The following LDLRAD4 variants were observed in gnomAD, a reference collection of about 807,000 sequenced individuals.
LDLRAD4 encodes the protein low-density lipoprotein receptor class A domain-containing protein 4.
LDLRAD4 carries 5 observed loss-of-function variants against 17.0 expected under a neutral mutation model. The observed-to-expected ratio is 0.29, with a 90% CI of 0.15 to 0.62. The LOEUF (loss-of-function observed/expected upper bound fraction) is 0.62. LDLRAD4 is among the 20% of genes least tolerant of loss of function. The probability of loss-of-function intolerance (pLI) is 0.84; values close to 1 mark genes in which losing one functional copy is unlikely to be tolerated. For synonymous variants in LDLRAD4, 168 were observed against 171.8 expected (o/e 0.98, Z 0.17); for missense variants, 340 against 424.7 (o/e 0.80, Z 1.75).
Position 13,517,267 on chromosome 18 carries a change from C to G in LDLRAD4, c.181+78883C>G, listed in dbSNP as rs759371426. 1.7e-3 allele frequency among the ~76,000 whole-genome samples: 264 copies of G among 152,354 alleles called. 3 individuals carry two copies. Among genetic ancestry groups the G allele is most frequent in the Non-Finnish European group, 3.3e-3 (225 of 68,046 alleles). On this transcript the variant is annotated intron_variant, in intron 3 of 5. Coordinates refer to ENST00000359446, the Ensembl canonical transcript of LDLRAD4. ...CCAGTGGATGCTTATGTCCCCACTA[C>G]CCAGTTCCAGCAGAAGAATGTTCCT...
At chr18:13,324,512 C>T (rs7234501) in intron 1 of LDLRAD4, among the ~76,000 whole-genome samples, 60,328 of 151,878 alleles carry the variant, frequency 0.4, 13,338 homozygotes, top group African/African-American at 0.6. Context: ...ACCTTCTATG[C>T]GCAGAGAACA....
chr18:13,596,199 C>A (rs1230064147), intron 3 of LDLRAD4, among the ~76,000 whole-genome samples: 1 of 152,086 alleles, frequency 6.6e-6, no homozygotes, highest in Non-Finnish European at 1.5e-5. Context: ...CACCAGTTTT[C>A]TTATGACTGT....
chr18:13,455,735 A>C (rs1310050330), intron 3 of LDLRAD4, among the ~76,000 whole-genome samples: 1 of 152,056 alleles, frequency 6.6e-6, no homozygotes, highest in African/African-American at 2.4e-5. Context: ...GGGGCTTGGC[A>C]ACCTCCCCTT....
intron 3 of LDLRAD4, among the ~76,000 whole-genome samples, chr18:13,442,533 T>C (rs1049628582): frequency 3.3e-5 from 5 of 152,084 alleles, no homozygotes; most frequent in African/African-American, 1.2e-4. Flanking sequence ...AGAAAGTGGG[T>C]TGGGCCTAGA....
At chr18:13,476,027 T>C (rs2092930559) in intron 3 of LDLRAD4, among the ~76,000 whole-genome samples, 1 of 152,022 alleles carries the variant, frequency 6.6e-6, no homozygotes. Context: ...AATGGGGTGT[T>C]TGTCAGGGGA....
intron 3 of LDLRAD4, among the ~76,000 whole-genome samples, chr18:13,519,452 G>A (rs1381436544): frequency 6.6e-6 from 1 of 152,130 alleles, no homozygotes; most frequent in Non-Finnish European, 1.5e-5. Flanking sequence ...AAAAAGACTT[G>A]ACAACTTCCA....
At chr18:13,629,898 C>A (rs911455342) in intron 4 of LDLRAD4, among the ~76,000 whole-genome samples, 1 of 152,110 alleles carries the variant, frequency 6.6e-6, no homozygotes, top group Non-Finnish European at 1.5e-5. Flanking sequence ...AGCTCTGTGA[C>A]CTTGGGTGAA....
chr18:13,304,462 G>A (rs1555642416), intron 1 of LDLRAD4, among the ~76,000 whole-genome samples: 1 of 152,204 alleles, frequency 6.6e-6, no homozygotes, highest in Non-Finnish European at 1.5e-5. Flanking sequence ...TGGTCAGAAT[G>A]GTCTCGTGCA....
chr18:13,572,293 GCTGAGC>G (rs2094704029), intron 3 of LDLRAD4, among the ~76,000 whole-genome samples: 1 of 152,230 alleles, frequency 6.6e-6, no homozygotes, highest in Non-Finnish European at 1.5e-5. Context: ...CAGGCCTGCT[GCTGAGC>G]CACCCCTGGC....
In LDLRAD4 at chr18:13,348,352, G is replaced by T. The variant is rs187620981; in HGVS notation, c.-382-38989G>T. Among the ~76,000 whole-genome samples the T allele has an allele frequency of 6.6e-5, 10 of 152,322 alleles. No homozygotes were observed. In the East Asian group the frequency reaches 1.7e-3, roughly 26 times the overall value. On this transcript the variant is annotated intron_variant, in intron 1 of 5. Coordinates refer to ENST00000359446, the Ensembl canonical transcript of LDLRAD4. ...TGGAGGTCCACTCCAGACTCTGTTT[G>T]TCTGGGTATCAGCAGTGGAGGCTGC...
chr18:13,379,410 A>C (rs903128338), intron 1 of LDLRAD4, among the ~76,000 whole-genome samples: 2 of 152,236 alleles, frequency 1.3e-5, no homozygotes, highest in Non-Finnish European at 2.9e-5. Context: ...TGTGCAGTAC[A>C]GTCAGCATTT....
At position 13,621,830 on chromosome 18, in the gene LDLRAD4, G is replaced by A. The variant is rs1008826295; in HGVS notation, c.336+559G>A. Among the ~76,000 whole-genome samples, 10 of 151,874 alleles carry A rather than the reference G, an allele frequency of 6.6e-5. No homozygotes were observed. The highest frequency in any genetic ancestry group is 9.7e-5 in the African/African-American group (4 of 41,320). ...GCTTGTCAGCGGTGGGCTTGTCGGCGGTAGGGTTGTCGGCGGTGGGTTGTG... is the reference window on the plus strand; with the variant it reads ...GCTTGTCAGCGGTGGGCTTGTCGGCAGTAGGGTTGTCGGCGGTGGGTTGTG... On this transcript the variant is annotated intron_variant, in intron 4 of 5. Transcript: ENST00000359446. The surrounding 1 kb of genome is among the most constrained non-coding windows in gnomAD (Gnocchi z 5.5).
At chr18:13,296,319 C>T (rs964776059) in intron 1 of LDLRAD4, among the ~76,000 whole-genome samples, 3 of 152,196 alleles carry the variant, frequency 2.0e-5, no homozygotes, top group Non-Finnish European at 4.4e-5. Flanking sequence ...CTAGGGCTGT[C>T]CTAACAAAGT....
At chr18:13,612,486 A>G (rs2039665526) in intron 3 of LDLRAD4, 2 of 1,333,096 alleles carry the variant, frequency 1.5e-6, no homozygotes, top group Non-Finnish European at 1.9e-6. Flanking sequence ...TGAGTCTAGC[A>G]CCTGGGGTGG....
chr18:13,524,680 C>A (rs547581280), intron 3 of LDLRAD4, among the ~76,000 whole-genome samples: 11 of 152,358 alleles, frequency 7.2e-5, no homozygotes, highest in African/African-American at 2.4e-4. Context: ...AAAACCTGCT[C>A]ATTCCAGCAA....
chr18:13,279,164 TGGGGTGGAAAGAGCTCAC>T (rs2045087589), intron 1 of LDLRAD4, among the ~76,000 whole-genome samples: 1 of 152,182 alleles, frequency 6.6e-6, no homozygotes, highest in African/African-American at 2.4e-5. Context: ...CTCGGGAAGC[TGGGGTGGAAAGAGCTCAC>T]GGGGAACACC....
At chr18:13,342,360 C>T (rs2082417444) in intron 1 of LDLRAD4, among the ~76,000 whole-genome samples, 1 of 151,696 alleles carries the variant, frequency 6.6e-6, no homozygotes, top group Non-Finnish European at 1.5e-5. Flanking sequence ...GACATCTAGT[C>T]CTTGGTTTTT....
chr18:13,282,628 C>G (rs1016062901), intron 1 of LDLRAD4, among the ~76,000 whole-genome samples: 1 of 152,224 alleles, frequency 6.6e-6, no homozygotes, highest in African/African-American at 2.4e-5. Context: ...AGCTCCACTC[C>G]TGTGGCTTTG....
intron 1 of LDLRAD4, among the ~76,000 whole-genome samples, chr18:13,262,366 G>A (rs1435088342): frequency 4.2e-4 from 57 of 134,632 alleles, no homozygotes; most frequent in Non-Finnish European, 5.2e-4. Flanking sequence ...AGTCCCGTGC[G>A]GCCCTGTGCG....
Sources: allele counts gnomAD v4.1 joint callset (sites outside exome capture counted in the v4.1 genomes callset), GRCh38; gene constraint gnomAD v4.1.1; non-coding constraint Gnocchi (gnomAD v3.1); transcripts MANE v1.5; gene names NCBI Gene and HGNC (gene_info 2026-07-23, HGNC 2026-07-21).